SEMA3D: variants seen among roughly 807,000 people sequenced by gnomAD.
SEMA3D encodes semaphorin-3D.
In SEMA3D, 84 loss-of-function variants were observed where a neutral mutation model predicts 100.1. The ratio of observed to expected loss-of-function variants is 0.84; its 90% CI spans 0.70 to 1.01. SEMA3D has a LOEUF of 1.01. SEMA3D is among the 50% of genes least tolerant of loss of function. The probability of loss-of-function intolerance (pLI) is 0.00; values close to 1 mark genes in which losing one functional copy is unlikely to be tolerated. For synonymous variants in SEMA3D, 312 were observed against 320.7 expected, an observed-to-expected ratio of 0.97 and a Z score of 0.29; for missense variants, 875 against 934.1, an observed-to-expected ratio of 0.94 and a Z score of 0.82.
At chr7:85,240,374 TTGTA>T in the SEMA3D span, among the ~76,000 whole-genome samples, 1 of 152,174 alleles carries the variant, frequency 6.6e-6, no homozygotes, top group Admixed American at 6.5e-5. Context: ...GTATTATTTT[TTGTA>T]TGTATTATTG....
chr7:84,999,630 T>G lies in SEMA3D; in HGVS notation c.2144A>C (p.Asp715Ala). Residue 715 changes from aspartate (D) to alanine (A), a missense_variant, in exon 19 of 19, where the codon GAC becomes GCC. Physicochemically the swap from Asp to Ala is moderately radical, Grantham distance 126. Coordinates refer to ENST00000284136, the MANE Select transcript of SEMA3D (RefSeq NM_001384900.1). ...LLAESRLRYKDYIQILSSPNF... is the reference protein window; with the variant it reads ...LLAESRLRYKAYIQILSSPNF... ...TGGGCTGCTAAGGATTTGGATGTAG[T>G]CTTTGTATCTCAACCGTGACTCAGC... The G allele has an allele frequency of 6.2e-7, 1 of 1,614,076 alleles. No homozygotes were observed. Among genetic ancestry groups the G allele is most frequent in the Non-Finnish European group, 8.5e-7 (1 of 1,180,022 alleles).
At chr7:85,219,150 T>C in the SEMA3D span, among the ~76,000 whole-genome samples, 1 of 151,976 alleles carries the variant, frequency 6.6e-6, no homozygotes, top group Non-Finnish European at 1.5e-5. Flanking sequence ...CCCAGGCTTG[T>C]GGGTGAAGAA....
intron 8 of SEMA3D, among the ~76,000 whole-genome samples, chr7:85,063,897 C>T (rs1002159568): frequency 2.0e-5 from 3 of 152,172 alleles, no homozygotes; most frequent in African/African-American, 4.8e-5. Flanking sequence ...CGGTGACCCT[C>T]CCCTATCTAT....
intron 4 of SEMA3D, among the ~76,000 whole-genome samples, chr7:85,083,435 T>G (rs1456025562): frequency 6.6e-6 from 1 of 152,342 alleles, no homozygotes; most frequent in South Asian, 2.1e-4. Context: ...GATGGAACAC[T>G]GCAGCTGGCC....
At chr7:85,028,334 C>A in intron 12 of SEMA3D, 1 of 611,884 alleles carries the variant, frequency 1.6e-6, no homozygotes. Flanking sequence ...TCTCAATGTA[C>A]TTGGAATTAT....
At chr7:85,132,396 A>C (rs999257096) in intron 2 of SEMA3D, among the ~76,000 whole-genome samples, 1 of 151,902 alleles carries the variant, frequency 6.6e-6, no homozygotes, top group African/African-American at 2.4e-5. Context: ...TTTTAATAAC[A>C]TTTTAAACCA....
intron 3 of SEMA3D, among the ~76,000 whole-genome samples, chr7:85,111,398 C>T (rs890378302): frequency 6.6e-6 from 1 of 151,996 alleles, no homozygotes; most frequent in Non-Finnish European, 1.5e-5. Context: ...CAGTATTTCC[C>T]ACTTTAATTA....
chr7:84,999,126 G>A lies in SEMA3D; in HGVS notation c.*314C>T, dbSNP rs1789579661. 7 of 336,816 alleles carry A rather than the reference G, an allele frequency of 2.1e-5. No individual in the cohort carries two copies. Among genetic ancestry groups the A allele is most frequent in the South Asian group, 1.6e-4 (4 of 25,644 alleles). The allele number at this position is 336,816 out of a possible 1,614,324, so 20.9% of individuals were successfully genotyped here. ...AAGCACCTTATACACTATCAAATTC[G>A]GGGCTTGCTTAGCTCAACTATTTAC... On this transcript the variant is annotated 3_prime_UTR_variant, in exon 19 of 19. Transcript: ENST00000284136.
At position 85,121,860 on chromosome 7, in the gene SEMA3D, G is replaced by A; in HGVS notation, c.32C>T (p.Ala11Val). 6.3e-7 allele frequency: 1 copy of A among 1,595,464 alleles called. No individual in the cohort carries two copies. Among genetic ancestry groups the A allele is most frequent in the Non-Finnish European group, 8.6e-7 (1 of 1,166,184 alleles). MNANKDERLK[A>V]RSQDFHLFPA... The stretch of plus-strand genomic sequence containing the variant: ...AAAAAGGTGAAAATCTTGGCTTCTG[G>A]CTTTAAGTCTTTCATCTTTATTAGC... Residue 11 changes from alanine (A) to valine (V), a missense_variant, in exon 3 of 19, where the codon GCC becomes GTC. Physicochemically the swap from Ala to Val is moderately conservative, Grantham distance 64. Transcript: ENST00000284136.
chr7:85,199,925 G>A, the SEMA3D span, among the ~76,000 whole-genome samples: 103 of 152,204 alleles, frequency 6.8e-4, no homozygotes, highest in African/African-American at 2.4e-3. Flanking sequence ...TGAGTCTTAC[G>A]AGATCTGATG....
At chr7:85,235,441 A>T in the SEMA3D span, among the ~76,000 whole-genome samples, 1 of 152,170 alleles carries the variant, frequency 6.6e-6, no homozygotes, top group African/African-American at 2.4e-5. Context: ...TACAAAAAAG[A>T]TCATTAGTTT....
chr7:85,199,408 C>T, the SEMA3D span, among the ~76,000 whole-genome samples: 1 of 152,060 alleles, frequency 6.6e-6, no homozygotes, highest in Non-Finnish European at 1.5e-5. Flanking sequence ...CTTTGCATCA[C>T]TTGTAGTTTC....
intron 4 of SEMA3D, among the ~76,000 whole-genome samples, chr7:85,084,870 A>G (rs1388631719): frequency 1.3e-5 from 2 of 152,196 alleles, no homozygotes; most frequent in African/African-American, 4.8e-5. Context: ...ACATGGACAC[A>G]TAGAAGTCCA....
intron 6 of SEMA3D, among the ~76,000 whole-genome samples, chr7:85,068,729 T>C (rs1205752266): frequency 1.3e-5 from 2 of 152,164 alleles, no homozygotes; most frequent in Non-Finnish European, 2.9e-5. Flanking sequence ...TCTTCAACTA[T>C]GTCAAATGAC....
chr7:85,138,285 T>C (rs1043085461), intron 2 of SEMA3D, among the ~76,000 whole-genome samples: 12 of 151,944 alleles, frequency 7.9e-5, no homozygotes, highest in African/African-American at 2.9e-4. Context: ...TCTTTTTTAA[T>C]TCATAATTTT....
chr7:85,241,467 G>GTGTCTATATATATATATATA, the SEMA3D span, among the ~76,000 whole-genome samples: 5 of 92,000 alleles, frequency 5.4e-5, no homozygotes, highest in African/African-American at 2.8e-4. Context: ...CTGTGTGTGT[G>GTGTCTATATATATATATATA]TATATATATA....
chr7:85,029,656 G>C, intron 12 of SEMA3D: 1 of 412,472 alleles, frequency 2.4e-6, no homozygotes. Flanking sequence ...CCTGCATCTG[G>C]TGGTGCTTTT....
chr7:85,211,759 T>A, the SEMA3D span, among the ~76,000 whole-genome samples: 4 of 152,044 alleles, frequency 2.6e-5, no homozygotes, highest in East Asian at 7.7e-4. Context: ...AGCCTACTCA[T>A]CATGAAGATG....
At chr7:85,159,669 A>G (rs1790691913) in intron 1 of SEMA3D, among the ~76,000 whole-genome samples, 1 of 152,186 alleles carries the variant, frequency 6.6e-6, no homozygotes, top group Non-Finnish European at 1.5e-5. Flanking sequence ...CTAATTTGTG[A>G]ATAAAATGAT....
Sources: gnomAD v4.1 joint callset for allele counts (sites outside exome capture counted in the v4.1 genomes callset) on GRCh38, gnomAD v4.1.1 for gene constraint, MANE v1.5 for transcripts, NCBI Gene and HGNC (gene_info 2026-07-23, HGNC 2026-07-21) for gene names.